Variants in CCDC169 observed in about 807,000 individuals in gnomAD.
CCDC169 encodes the protein coiled-coil domain-containing protein 169.
Under a neutral mutation model 36.0 loss-of-function variants are expected in CCDC169, and 30 were observed. That is an observed-to-expected ratio of 0.83 (90% CI 0.62 to 1.13). The LOEUF is 1.13. Among genes scored for constraint, CCDC169 ranks in the 50% most tolerant of loss-of-function variants. The probability of loss-of-function intolerance (pLI) is 0.00; values close to 1 mark genes in which losing one functional copy is unlikely to be tolerated. For missense variants in CCDC169, 245 were observed against 245.9 expected, an observed-to-expected ratio of 1.00 and a Z score of 0.03; for synonymous variants, 85 against 81.5, an observed-to-expected ratio of 1.04 and a Z score of -0.23.
At chr13:36,242,247 C>G (rs1172739580) in intron 7 of CCDC169, among the ~76,000 whole-genome samples, 2 of 152,182 alleles carry the variant, frequency 1.3e-5, no homozygotes, top group Non-Finnish European at 2.9e-5. Flanking sequence ...ATCCCCTATT[C>G]CTCCACATCC....
chr13:36,247,471 T>C (rs920667603), intron 7 of CCDC169, among the ~76,000 whole-genome samples: 1 of 152,006 alleles, frequency 6.6e-6, no homozygotes, highest in Non-Finnish European at 1.5e-5. Flanking sequence ...CTAAGAACAT[T>C]TGTGATTTAT....
intron 4 of CCDC169, among the ~76,000 whole-genome samples, chr13:36,259,186 T>G (rs1874303850): frequency 1.3e-5 from 2 of 152,114 alleles, no homozygotes; most frequent in African/African-American, 4.8e-5. Context: ...GAGAGCAGGA[T>G]GGCGGAATTA....
At chr13:36,285,168 C>T (rs1010854239) in intron 2 of CCDC169, among the ~76,000 whole-genome samples, 3 of 152,288 alleles carry the variant, frequency 2.0e-5, no homozygotes. Context: ...ATTTTTGGCA[C>T]ATCTGAGTAC....
downstream of CCDC169, chr13:36,224,873 T>G (rs185920862): frequency 2.7e-3 from 414 of 152,210 alleles, 2 homozygotes; most frequent in African/African-American, 9.4e-3. Context: ...TGGCAACACA[T>G]TACCAGACTT....
At chr13:36,277,907 T>C (rs1182794256) in intron 4 of CCDC169, among the ~76,000 whole-genome samples, 1 of 149,106 alleles carries the variant, frequency 6.7e-6, no homozygotes, top group African/African-American at 2.5e-5. Flanking sequence ...ATCGTGCCAT[T>C]GCACTCCAGC....
chr13:36,252,134 C>A (rs1157328154), intron 6 of CCDC169, among the ~76,000 whole-genome samples: 3 of 152,082 alleles, frequency 2.0e-5, no homozygotes, highest in Non-Finnish European at 4.4e-5. Flanking sequence ...TTGTGCTAGA[C>A]CTTGAAGGAT....
At chr13:36,290,998 A>T (rs1053306084) in intron 2 of CCDC169, among the ~76,000 whole-genome samples, 1 of 149,518 alleles carries the variant, frequency 6.7e-6, no homozygotes, top group African/African-American at 2.4e-5. Flanking sequence ...AAAAAAAAAA[A>T]TCCTAAGCCC....
At chr13:36,260,603 CT>C (rs1459438898) in intron 4 of CCDC169, among the ~76,000 whole-genome samples, 1 of 152,014 alleles carries the variant, frequency 6.6e-6, no homozygotes, top group Non-Finnish European at 1.5e-5. Context: ...TATGGAAACC[CT>C]TATGTAAAAA....
At chr13:36,237,699 T>C (rs1871258735) in intron 7 of CCDC169, among the ~76,000 whole-genome samples, 1 of 152,244 alleles carries the variant, frequency 6.6e-6, no homozygotes, top group African/African-American at 2.4e-5. Flanking sequence ...AATTCACATA[T>C]TGTATGCTCC....
chr13:36,291,115 T>TATA (rs1210092831), intron 2 of CCDC169, among the ~76,000 whole-genome samples: 4 of 152,264 alleles, frequency 2.6e-5, no homozygotes, highest in Non-Finnish European at 4.4e-5. Flanking sequence ...CATGCCACAC[T>TATA]ATACCTTCCC....
At chr13:36,287,954 C>A (rs566084240) in intron 2 of CCDC169, among the ~76,000 whole-genome samples, 3 of 152,118 alleles carry the variant, frequency 2.0e-5, no homozygotes, top group African/African-American at 7.2e-5. Flanking sequence ...TAGGTGCTCA[C>A]CATTTAGTGT....
chr13:36,290,042 A>G (rs1455579750), intron 2 of CCDC169, among the ~76,000 whole-genome samples: 1 of 152,182 alleles, frequency 6.6e-6, no homozygotes, highest in African/African-American at 2.4e-5. Flanking sequence ...GGTCCTTATC[A>G]GGTGTTATTA....
At chr13:36,276,452 G>C (rs1310754242) in intron 4 of CCDC169, among the ~76,000 whole-genome samples, 2 of 152,154 alleles carry the variant, frequency 1.3e-5, no homozygotes, top group South Asian at 2.1e-4. Context: ...GTCTTCCAGA[G>C]AATGTTTGAG....
At chr13:36,285,618 G>GATAGATAC (rs751327575) in intron 2 of CCDC169, among the ~76,000 whole-genome samples, 1,967 of 133,560 alleles carry the variant, frequency 0.015, 20 homozygotes, top group East Asian at 0.081. Context: ...TAGATAGATA[G>GATAGATAC]ATACATAGAT....
chr13:36,251,758 A>C (rs573316452), intron 6 of CCDC169, among the ~76,000 whole-genome samples: 1 of 152,264 alleles, frequency 6.6e-6, no homozygotes, highest in Admixed American at 6.5e-5. Flanking sequence ...AGTGAAGCAA[A>C]CAGATATATC....
chr13:36,276,994 C>T (rs1481945089), intron 4 of CCDC169, among the ~76,000 whole-genome samples: 1 of 152,062 alleles, frequency 6.6e-6, no homozygotes, highest in East Asian at 1.9e-4. Context: ...CATTAGTATA[C>T]ATACATAATG....
At chr13:36,252,214 G>A (rs1873260903) in intron 6 of CCDC169, among the ~76,000 whole-genome samples, 1 of 152,214 alleles carries the variant, frequency 6.6e-6, no homozygotes, top group South Asian at 2.1e-4. Context: ...AAAGATGCCT[G>A]TGATCTAGGA....
chr13:36,231,081 C>A lies in CCDC169; in HGVS notation c.*112G>T. 4 of 1,433,766 alleles carry A rather than the reference C, an allele frequency of 2.8e-6. No homozygotes were observed. Among genetic ancestry groups the A allele is most frequent in the South Asian group, 3.2e-5 (2 of 62,702 alleles). The allele number at this position is 1,433,766 out of a possible 1,614,324, so 88.8% of individuals were successfully genotyped here. ...GAAAAGGAACTAAAGAAAAATGTGGCAGTTCTTATCTATTTTATTCCCTGA... is the reference window on the plus strand; with the variant it reads ...GAAAAGGAACTAAAGAAAAATGTGGAAGTTCTTATCTATTTTATTCCCTGA... On this transcript the variant is annotated 3_prime_UTR_variant, in exon 8 of 8. Coordinates refer to ENST00000239859, the MANE Select transcript of CCDC169 (RefSeq NM_001144981.3).
rs137874826 is a variant in CCDC169 at position 36,285,873 on chromosome 13, T to G, written c.164-2171A>C. 1.1e-4 allele frequency among the ~76,000 whole-genome samples: 16 copies of G among 152,320 alleles called. No homozygotes were observed. In the East Asian group the frequency reaches 2.9e-3, roughly 28 times the overall value. Reference sequence around the variant, plus strand: ...GCATGCCTCCCATATTAAGTTTCCCTTTGAAAGCCCCCTGCCTTTTCCCTA... The same window carrying G: ...GCATGCCTCCCATATTAAGTTTCCCGTTGAAAGCCCCCTGCCTTTTCCCTA... On this transcript the variant is annotated intron_variant, in intron 2 of 7. Transcript: ENST00000239859.
Sources: allele counts gnomAD v4.1 joint callset (sites outside exome capture counted in the v4.1 genomes callset), GRCh38; gene constraint gnomAD v4.1.1; transcripts MANE v1.5; gene names NCBI Gene and HGNC (gene_info 2026-07-23, HGNC 2026-07-21).